The following PARD3B variants were observed in gnomAD, a reference collection of about 807,000 sequenced individuals.
PARD3B encodes the protein partitioning defective 3 homolog B.
PARD3B carries 103 observed loss-of-function variants against 130.2 expected under a neutral mutation model. That is an observed-to-expected ratio of 0.79 (90% CI 0.67 to 0.93). The LOEUF (loss-of-function observed/expected upper bound fraction) is 0.93, where lower values mean the gene tolerates loss of function less well. Ranked by LOEUF, PARD3B falls within the 40% of genes least tolerant of loss-of-function variation. PARD3B has a pLI of 0.00. For missense variants in PARD3B, 1,609 were observed against 1,499.2 expected, an observed-to-expected ratio of 1.07 and a Z score of -1.21; for synonymous variants, 583 against 553.2, an observed-to-expected ratio of 1.05 and a Z score of -0.76.
At chr2:205,547,279 G>C (rs1156753126) in intron 21 of PARD3B, among the ~76,000 whole-genome samples, 1 of 152,242 alleles carries the variant, frequency 6.6e-6, no homozygotes, top group Admixed American at 6.5e-5. Flanking sequence ...GCACCAGAGA[G>C]TCTGGCTTTC....
At chr2:205,610,705 C>T (rs1015489224) in intron 22 of PARD3B, among the ~76,000 whole-genome samples, 1 of 152,176 alleles carries the variant, frequency 6.6e-6, no homozygotes, top group East Asian at 1.9e-4. Context: ...ATAACCTCTA[C>T]CCTGATAAAA....
chr2:205,608,541 T>A (rs1002263118), intron 22 of PARD3B, among the ~76,000 whole-genome samples: 4 of 152,216 alleles, frequency 2.6e-5, no homozygotes, highest in Non-Finnish European at 5.9e-5. Context: ...AGCTTCTGCC[T>A]TCCCCAAGAT....
At chr2:204,557,179 G>A (rs1443654795) in intron 1 of PARD3B, among the ~76,000 whole-genome samples, 2 of 151,928 alleles carry the variant, frequency 1.3e-5, no homozygotes, top group Admixed American at 6.6e-5. Flanking sequence ...TCACCTACCC[G>A]TAAATACACA....
intron 2 of PARD3B, among the ~76,000 whole-genome samples, chr2:204,851,998 T>A (rs2044725858): frequency 6.6e-6 from 1 of 152,180 alleles, no homozygotes; most frequent in Non-Finnish European, 1.5e-5. Flanking sequence ...CAGCTGACAA[T>A]CTTTTTTCAA....
intron 15 of PARD3B, among the ~76,000 whole-genome samples, chr2:205,242,911 A>G (rs1267185934): frequency 6.6e-6 from 1 of 152,194 alleles, no homozygotes; most frequent in East Asian, 1.9e-4. Flanking sequence ...TCACGCCTGT[A>G]ATCCCAGCGC....
At chr2:204,575,862 C>A (rs940870041) in intron 1 of PARD3B, among the ~76,000 whole-genome samples, 3 of 152,114 alleles carry the variant, frequency 2.0e-5, no homozygotes, top group Admixed American at 1.3e-4. Context: ...AGATATAAGC[C>A]CCTGTGGAGT....
intron 2 of PARD3B, among the ~76,000 whole-genome samples, chr2:204,792,434 TCTC>T (rs925798483): frequency 6.6e-6 from 1 of 151,970 alleles, no homozygotes; most frequent in Non-Finnish European, 1.5e-5. Flanking sequence ...TTGTATTTCT[TCTC>T]AAGTTTTATA....
chr2:205,426,904 G>A (rs2047165369), intron 19 of PARD3B, among the ~76,000 whole-genome samples: 1 of 152,008 alleles, frequency 6.6e-6, no homozygotes, highest in Admixed American at 6.6e-5. Flanking sequence ...CCTATTCAAA[G>A]GCCTTTGAAA....
chr2:204,619,673 C>T (rs961744166), intron 1 of PARD3B, among the ~76,000 whole-genome samples: 4 of 152,112 alleles, frequency 2.6e-5, no homozygotes, highest in African/African-American at 9.7e-5. Flanking sequence ...TCTAAGACCA[C>T]GTGAACCGAT....
At chr2:205,342,762 C>T (rs1332423126) in intron 18 of PARD3B, among the ~76,000 whole-genome samples, 3 of 152,084 alleles carry the variant, frequency 2.0e-5, no homozygotes, top group Admixed American at 6.6e-5. Context: ...CTTATTTTAC[C>T]TGAGTTACTG....
At chr2:205,251,165 A>G (rs1248233956) in intron 16 of PARD3B, among the ~76,000 whole-genome samples, 1 of 152,186 alleles carries the variant, frequency 6.6e-6, no homozygotes, top group East Asian at 1.9e-4. Flanking sequence ...GGAACACAAT[A>G]GCTTTAATTT....
rs541327058 is a variant in PARD3B, at chr2:204,927,401, A to G, written c.223-37751A>G. 1.1e-4 allele frequency among the ~76,000 whole-genome samples: 16 copies of G among 152,276 alleles called. No individual in the cohort carries two copies. In the East Asian group the frequency reaches 3.1e-3, roughly 29 times the overall value. On this transcript the variant is annotated intron_variant, in intron 2 of 22. Coordinates refer to ENST00000406610, the MANE Select transcript of PARD3B (RefSeq NM_001302769.2). ...GCGAGAAGTCAACCATCTATGAACC[A>G]GAAAGCAGGCCCTCACCAGACACCA...
chr2:205,272,631 A>G (rs868071452), intron 16 of PARD3B, among the ~76,000 whole-genome samples: 1 of 152,114 alleles, frequency 6.6e-6, no homozygotes, highest in African/African-American at 2.4e-5. Flanking sequence ...CAAATACCAG[A>G]CTTCTGGCCT....
At chr2:204,897,041 G>A (rs2125698788) in intron 2 of PARD3B, among the ~76,000 whole-genome samples, 1 of 152,240 alleles carries the variant, frequency 6.6e-6, no homozygotes, top group Non-Finnish European at 1.5e-5. Flanking sequence ...ATTGACTTGT[G>A]TACAATAATA....
At chr2:205,076,085 T>G (rs1447742218) in intron 4 of PARD3B, among the ~76,000 whole-genome samples, 2 of 152,218 alleles carry the variant, frequency 1.3e-5, no homozygotes, top group Admixed American at 6.5e-5. Flanking sequence ...CTTTCAGTTT[T>G]ACCTAACTTC....
intron 2 of PARD3B, among the ~76,000 whole-genome samples, chr2:204,862,597 C>CT (rs1392418607): frequency 2.0e-5 from 3 of 152,164 alleles, no homozygotes; most frequent in African/African-American, 7.2e-5. Flanking sequence ...ACATCAAAGA[C>CT]TGAATGGGTT....
chr2:204,638,514 A>C (rs986447190), intron 1 of PARD3B, among the ~76,000 whole-genome samples: 7 of 152,156 alleles, frequency 4.6e-5, no homozygotes, highest in Admixed American at 3.3e-4. Context: ...GCCAAGTGTA[A>C]TTTTGTTATT....
chr2:204,815,089 T>G (rs955593167), intron 2 of PARD3B, among the ~76,000 whole-genome samples: 5 of 151,942 alleles, frequency 3.3e-5, no homozygotes, highest in African/African-American at 9.7e-5. Context: ...TCTTGACTTA[T>G]TTTCTCATAT....
intron 15 of PARD3B, among the ~76,000 whole-genome samples, chr2:205,205,482 G>A (rs1041280201): frequency 6.6e-6 from 1 of 152,194 alleles, no homozygotes; most frequent in Non-Finnish European, 1.5e-5. Context: ...CCAATACTAT[G>A]TTAAATAGGA....
Sources: gnomAD v4.1 joint callset for allele counts (sites outside exome capture counted in the v4.1 genomes callset) on GRCh38, gnomAD v4.1.1 for gene constraint, MANE v1.5 for transcripts, NCBI Gene and HGNC (gene_info 2026-07-23, HGNC 2026-07-21) for gene names.